SYPL1: variants seen among roughly 807,000 people sequenced by gnomAD.
SYPL1 encodes synaptophysin-like protein 1.
In SYPL1, 6 loss-of-function variants were observed where a neutral mutation model predicts 23.7. The observed-to-expected ratio is 0.25, with a 90% CI of 0.14 to 0.50. The LOEUF (loss-of-function observed/expected upper bound fraction) is 0.50. SYPL1 is among the 20% of genes least tolerant of loss of function. The probability of loss-of-function intolerance (pLI) is 0.98; values close to 1 mark genes in which losing one functional copy is unlikely to be tolerated. For missense variants in SYPL1, 253 were observed against 288.9 expected (o/e 0.88, Z 0.90); for synonymous variants, 102 against 104.5 (o/e 0.98, Z 0.15).
In SYPL1 at chr7:106,091,512, G is replaced by T; in HGVS notation, c.*293C>A. The T allele has an allele frequency of 3.7e-6, 1 of 272,956 alleles. No homozygotes were observed. Among genetic ancestry groups the T allele is most frequent in the Non-Finnish European group, 6.9e-6 (1 of 144,188 alleles). The allele number at this position is 272,956 out of a possible 1,614,324, so 16.9% of individuals were successfully genotyped here. A position where few individuals can be genotyped will look rare whatever the true frequency, so the allele number is the denominator to read the frequency against. On this transcript the variant is annotated 3_prime_UTR_variant, in exon 5 of 5. Coordinates refer to ENST00000455385, the MANE Select transcript of SYPL1 (RefSeq NM_182715.4). The surrounding 1 kb of genome is among the most constrained non-coding windows in gnomAD (Gnocchi z 5.0). ...AATGAAGATACATGTTAAGGCTTAA[G>T]GTGTAAACACTTTGGAAGGCAAACA...
At chr7:106,106,212 T>C (rs762615350) in intron 1 of SYPL1, among the ~76,000 whole-genome samples, 3 of 152,172 alleles carry the variant, frequency 2.0e-5, no homozygotes, top group Non-Finnish European at 4.4e-5. Context: ...AGATGCATAT[T>C]GTGGCTCTGT....
chr7:106,108,625 CTATA>C (rs1012492807), intron 1 of SYPL1, among the ~76,000 whole-genome samples: 5 of 152,130 alleles, frequency 3.3e-5, no homozygotes, highest in Admixed American at 2.6e-4. Context: ...TCTTGAGAGG[CTATA>C]TATATCTCTT....
In SYPL1 at chr7:106,101,903, G is replaced by A. The variant is rs117294038; in HGVS notation, c.70-2621C>T. 1.3e-3 allele frequency among the ~76,000 whole-genome samples: 200 copies of A among 152,102 alleles called. 6 individuals are homozygous for A. The East Asian group carries it at 0.03, about 23-fold the overall frequency. On this transcript the variant is annotated intron_variant, in intron 1 of 4. Transcript: ENST00000455385. Reference sequence around the variant, plus strand: ...CTAACAGAGTTGATTTGTAGATCACGGAGGAAAGGAATGTGGTGGTTTTAA... The same window carrying A: ...CTAACAGAGTTGATTTGTAGATCACAGAGGAAAGGAATGTGGTGGTTTTAA...
At chr7:106,101,478 T>A (rs1840318591) in intron 1 of SYPL1, among the ~76,000 whole-genome samples, 5 of 104,222 alleles carry the variant, frequency 4.8e-5, no homozygotes, top group South Asian at 3.3e-4. Flanking sequence ...ACAAAAAAGA[T>A]ACATGAAAAG....
At chr7:106,112,461 C>T (rs1268470726), upstream of SYPL1, 25 of 1,484,678 alleles carry the variant, frequency 1.7e-5, no homozygotes, top group Non-Finnish European at 2.0e-5. Context: ...GACCGGGAGG[C>T]TTCTCCTCAG....
At position 106,093,118 on chromosome 7, in the gene SYPL1, A is replaced by G; in HGVS notation, c.422T>C (p.Val141Ala). 7 of 1,606,468 alleles carry G rather than the reference A, an allele frequency of 4.4e-6. No individual in the cohort carries two copies. Among genetic ancestry groups the G allele is most frequent in the Non-Finnish European group, 5.9e-6 (7 of 1,177,476 alleles). Residue 141 changes from valine (V) to alanine (A), a missense_variant, in exon 4 of 5, where the codon GTT becomes GCT. Coordinates refer to ENST00000455385, the MANE Select transcript of SYPL1 (RefSeq NM_182715.4). The part of the protein sequence containing the change: ...LPMIDFVVTL[V>A]ATFLWLVSTS... ...GCTCACCAACCACAAAAAAGTGGCA[A>G]CAAGTGTAACAACAAAGTCCTAAAG...
In SYPL1 at chr7:106,093,625, C is replaced by T. The variant is rs1469323435; in HGVS notation, c.403-488G>A. ...GCTTTCTTACTGTATCACCACTTCA[C>T]TAATGTCCTCACTTATTTTAATCAA... On this transcript the variant is annotated intron_variant, in intron 3 of 4. Coordinates refer to ENST00000455385, the MANE Select transcript of SYPL1 (RefSeq NM_182715.4). Among the ~76,000 whole-genome samples the T allele has an allele frequency of 2.8e-5, 2 of 72,368 alleles. 1 individual carries two copies. The highest frequency in any genetic ancestry group is 1.5e-3 in the East Asian group (2 of 1,294). The allele number at this position is 72,368 out of a possible 152,430, so 47.5% of individuals were successfully genotyped here. A position where few individuals can be genotyped will look rare whatever the true frequency, so the allele number is the denominator to read the frequency against.
In SYPL1 at chr7:106,091,458, C is replaced by T. The variant is rs1402532826; in HGVS notation, c.*347G>A. The T allele has an allele frequency of 2.8e-5, 5 of 180,176 alleles. No individual in the cohort carries two copies. In the Admixed American group the frequency reaches 2.8e-4, roughly 10 times the overall value. The allele number at this position is 180,176 out of a possible 1,614,324, so 11.2% of individuals were successfully genotyped here. On this transcript the variant is annotated 3_prime_UTR_variant, in exon 5 of 5. Transcript: ENST00000455385. This position sits in a 1 kb window ranked among gnomAD's most constrained non-coding sequence, Gnocchi z 5.0. ...TTCCAAATAAAGGTTTTTCTTCCTA[C>T]TATGGTATGACAATATAACTGTTTT... is the stretch of plus-strand genomic sequence containing the variant.
chr7:106,092,157 G>A (rs547814334), intron 4 of SYPL1, among the ~76,000 whole-genome samples: 19 of 152,028 alleles, frequency 1.2e-4, no homozygotes, highest in African/African-American at 4.6e-4. Context: ...ATGAAATAAG[G>A]CTAAATCTCT....
rs1195463566 is a variant in SYPL1 at position 106,095,813 on chromosome 7, C to A, written c.402+1877G>T. Among the ~76,000 whole-genome samples, 1 of 152,128 alleles carries A rather than the reference C, an allele frequency of 6.6e-6. No homozygotes were observed. Among genetic ancestry groups the A allele is most frequent in the Non-Finnish European group, 1.5e-5 (1 of 68,010 alleles). ...TCTCTTTATATGACCACTAATTGGTCATTCTGAGGTGGAAAATTACTTTTT... is the reference window on the plus strand; with the variant it reads ...TCTCTTTATATGACCACTAATTGGTAATTCTGAGGTGGAAAATTACTTTTT... On this transcript the variant is annotated intron_variant, in intron 3 of 4. Coordinates refer to ENST00000455385, the MANE Select transcript of SYPL1 (RefSeq NM_182715.4). This position sits in a 1 kb window ranked among gnomAD's most constrained non-coding sequence, Gnocchi z 4.3.
At position 106,091,188 on chromosome 7, in the gene SYPL1, A is replaced by G. The variant is rs989925658; in HGVS notation, c.*617T>C. ...TTACTAAATTAACTACACATCTCTC[A>G]GAAATTTCCAAATCCCTGCTCCCAA... is the stretch of plus-strand genomic sequence containing the variant. On this transcript the variant is annotated 3_prime_UTR_variant, in exon 5 of 5. Transcript: ENST00000455385. This position sits in a 1 kb window ranked among gnomAD's most constrained non-coding sequence, Gnocchi z 5.0. The G allele has an allele frequency of 1.3e-5, 2 of 152,226 alleles. No individual in the cohort carries two copies. Among genetic ancestry groups the G allele is most frequent in the African/African-American group, 4.8e-5 (2 of 41,474 alleles). The allele number at this position is 152,226 out of a possible 1,614,324, so 9.4% of individuals were successfully genotyped here. A position where few individuals can be genotyped will look rare whatever the true frequency, so the allele number is the denominator to read the frequency against.
rs754028452 is a variant in SYPL1, at chr7:106,097,935, A to G, written c.195-38T>C. ...ATGTATGAATTATTGGACTTTCCCA[A>G]CAGAGACAGAAACATTTAAGCAAAA... On this transcript the variant is annotated intron_variant, in intron 2 of 4. Coordinates refer to ENST00000455385, the MANE Select transcript of SYPL1 (RefSeq NM_182715.4). The surrounding 1 kb of genome is among the most constrained non-coding windows in gnomAD (Gnocchi z 4.6). 1.1e-5 allele frequency: 17 copies of G among 1,539,656 alleles called. No homozygotes were observed. In the African/African-American group the frequency reaches 1.9e-4, roughly 17 times the overall value.
intron 1 of SYPL1, among the ~76,000 whole-genome samples, chr7:106,102,510 G>A (rs1840383195): frequency 6.6e-6 from 1 of 152,222 alleles, no homozygotes; most frequent in Non-Finnish European, 1.5e-5. Flanking sequence ...CTCACATGGT[G>A]TGGAATTGAG....
At chr7:106,107,515 C>T (rs928476927) in intron 1 of SYPL1, among the ~76,000 whole-genome samples, 5 of 151,596 alleles carry the variant, frequency 3.3e-5, no homozygotes, top group Admixed American at 6.6e-5. Flanking sequence ...CCAGGGCGGA[C>T]GGACTACCTG....
chr7:106,106,257 G>C (rs1169825717), intron 1 of SYPL1, among the ~76,000 whole-genome samples: 1 of 152,134 alleles, frequency 6.6e-6, no homozygotes, highest in Non-Finnish European at 1.5e-5. Context: ...GTGCAAAAAA[G>C]ACTCTGGAGG....
At position 106,090,767 on chromosome 7, in the gene SYPL1, C is replaced by A. The variant is rs1024381831; in HGVS notation, c.*1038G>T. 1 of 152,204 alleles carries A rather than the reference C, an allele frequency of 6.6e-6. No homozygotes were observed. The highest frequency in any genetic ancestry group is 1.5e-5 in the Non-Finnish European group (1 of 68,024). The allele number at this position is 152,204 out of a possible 1,614,324, so 9.4% of individuals were successfully genotyped here. Reference sequence around the variant, plus strand: ...CTCATCATATACCTCACTTAGGTTCCTTTATGATGCATAATTCCTTAATCA... The same window carrying A: ...CTCATCATATACCTCACTTAGGTTCATTTATGATGCATAATTCCTTAATCA... On this transcript the variant is annotated 3_prime_UTR_variant, in exon 5 of 5. Transcript: ENST00000455385.
chr7:106,097,953 A>G lies in SYPL1; in HGVS notation c.195-56T>C. 6.9e-7 allele frequency: 1 copy of G among 1,452,432 alleles called. No homozygotes were observed. Among genetic ancestry groups the G allele is most frequent in the African/African-American group, 1.4e-5 (1 of 71,626 alleles). The allele number at this position is 1,452,432 out of a possible 1,614,324, so 90.0% of individuals were successfully genotyped here. On this transcript the variant is annotated intron_variant, in intron 2 of 4. Transcript: ENST00000455385. This position sits in a 1 kb window ranked among gnomAD's most constrained non-coding sequence, Gnocchi z 4.6. ...TTTCCCAACAGAGACAGAAACATTT[A>G]AGCAAAACAATGAGTGACACTTCAA...
rs542512718 is a variant in SYPL1, at chr7:106,100,735, T to C, written c.70-1453A>G. On this transcript the variant is annotated intron_variant, in intron 1 of 4. Coordinates refer to ENST00000455385, the MANE Select transcript of SYPL1 (RefSeq NM_182715.4). This position sits in a 1 kb window ranked among gnomAD's most constrained non-coding sequence, Gnocchi z 5.1. ...CTAAATGATCTCTCTGCTTCTGCCCTTGCCCCAGCTTCAGTCTGTTATCAA... is the reference window on the plus strand; with the variant it reads ...CTAAATGATCTCTCTGCTTCTGCCCCTGCCCCAGCTTCAGTCTGTTATCAA... 6.6e-6 allele frequency among the ~76,000 whole-genome samples: 1 copy of C among 152,316 alleles called. No individual in the cohort carries two copies. Among genetic ancestry groups the C allele is most frequent in the Admixed American group, 6.5e-5 (1 of 15,306 alleles).
rs1188089465 is a variant in SYPL1 at position 106,093,128 on chromosome 7, C to T, written c.412G>A (p.Val138Ile). 2.5e-6 allele frequency: 4 copies of T among 1,599,790 alleles called. No individual in the cohort carries two copies. The highest frequency in any genetic ancestry group is 4.5e-5 in the East Asian group (2 of 44,640). The part of the protein sequence containing the change: ...SRKLPMIDFV[V>I]TLVATFLWLV... ...CACAAAAAAGTGGCAACAAGTGTAA[C>T]AACAAAGTCCTAAAGCAAAAATCAG... The change falls in exon 4 of 5, where the codon GTT becomes ATT. Residue 138 changes from valine to isoleucine, a missense_variant. By Grantham distance (29) the Val-to-Ile change is conservative (BLOSUM62 3). Coordinates refer to ENST00000455385, the MANE Select transcript of SYPL1 (RefSeq NM_182715.4).
Sources: allele counts gnomAD v4.1 joint callset (sites outside exome capture counted in the v4.1 genomes callset), GRCh38; gene constraint gnomAD v4.1.1; non-coding constraint Gnocchi (gnomAD v3.1); transcripts MANE v1.5; gene names NCBI Gene and HGNC (gene_info 2026-07-23, HGNC 2026-07-21).